Variants in LPP observed in about 807,000 individuals in gnomAD.
LPP encodes the protein LIM domain containing preferred translocation partner in lipoma.
A neutral mutation model predicts 60.4 loss-of-function variants in LPP; 38 were observed. The observed-to-expected ratio is 0.63, with a 90% CI of 0.49 to 0.83. LPP has a LOEUF of 0.83. Ranked by LOEUF, LPP falls within the 40% of genes least tolerant of loss-of-function variation. LPP has a pLI of 0.00. For synonymous variants in LPP, 328 were observed against 290.8 expected (o/e 1.13, Z -1.30); for missense variants, 902 against 783.6 (o/e 1.15, Z -1.80).
chr3:188,253,352 A>C (rs545690335), intron 2 of LPP, among the ~76,000 whole-genome samples: 1 of 152,262 alleles, frequency 6.6e-6, no homozygotes, highest in African/African-American at 2.4e-5. Context: ...TCTGCATGTT[A>C]TCTTCCAGTA....
chr3:188,524,064 A>C (rs1462071720), intron 5 of LPP, among the ~76,000 whole-genome samples: 1 of 152,166 alleles, frequency 6.6e-6, no homozygotes, highest in Admixed American at 6.5e-5. Context: ...GTCCATGCTC[A>C]CTGCCACATG....
chr3:188,599,555 C>T (rs1182778968), intron 6 of LPP, among the ~76,000 whole-genome samples: 2 of 152,050 alleles, frequency 1.3e-5, no homozygotes, highest in East Asian at 3.9e-4. Context: ...AATGGAAAAG[C>T]TTCTGGGACA....
At chr3:188,636,384 C>T (rs1055228783) in intron 7 of LPP, among the ~76,000 whole-genome samples, 1 of 152,192 alleles carries the variant, frequency 6.6e-6, no homozygotes, top group Admixed American at 6.5e-5. Flanking sequence ...GATTATATCC[C>T]GCACCTTGCT....
intron 2 of LPP, among the ~76,000 whole-genome samples, chr3:188,268,293 AAAAC>A (rs947949273): frequency 6.6e-6 from 1 of 152,236 alleles, no homozygotes; most frequent in African/African-American, 2.4e-5. Flanking sequence ...AAAAACAAAA[AAAAC>A]AAAAACACAA....
chr3:188,635,271 G>C (rs755472798), intron 7 of LPP, among the ~76,000 whole-genome samples: 7 of 152,168 alleles, frequency 4.6e-5, no homozygotes, highest in Non-Finnish European at 8.8e-5. Flanking sequence ...TTTTGTGATA[G>C]TGCTTCTTGG....
At chr3:188,274,787 C>A (rs1202800524) in intron 2 of LPP, among the ~76,000 whole-genome samples, 2 of 152,166 alleles carry the variant, frequency 1.3e-5, no homozygotes, top group African/African-American at 4.8e-5. Flanking sequence ...TCCTGATAGA[C>A]CTTATGGTTA....
Position 188,610,429 on chromosome 3 carries a change from G to T in LPP, c.1113+585G>T, listed in dbSNP as rs1293689928. On this transcript the variant is annotated intron_variant, in intron 7 of 11. Transcript: ENST00000617246. The surrounding 1 kb of genome is among the most constrained non-coding windows in gnomAD (Gnocchi z 4.4). ...CCAGGAAATGGGTGAGGCCAAGCAG[G>T]TCTAAGATAATGCAAATGCCTTGGA... 6.6e-6 allele frequency among the ~76,000 whole-genome samples: 1 copy of T among 152,226 alleles called. No homozygotes were observed. Among genetic ancestry groups the T allele is most frequent in the African/African-American group, 2.4e-5 (1 of 41,456 alleles).
At chr3:188,452,445 C>T (rs1242911212) in intron 4 of LPP, among the ~76,000 whole-genome samples, 1 of 152,006 alleles carries the variant, frequency 6.6e-6, no homozygotes, top group Admixed American at 6.6e-5. Flanking sequence ...TTTGCTCATT[C>T]GATATTGTCA....
chr3:188,375,645 T>TA (rs796979503), intron 3 of LPP, among the ~76,000 whole-genome samples: 1 of 152,300 alleles, frequency 6.6e-6, no homozygotes, highest in South Asian at 2.1e-4. Flanking sequence ...GTTTATCTTT[T>TA]AAAAAAACCA....
intron 4 of LPP, among the ~76,000 whole-genome samples, chr3:188,435,139 T>C (rs1791993461): frequency 6.6e-6 from 1 of 152,188 alleles, no homozygotes; most frequent in African/African-American, 2.4e-5. Context: ...GAAGAATGTC[T>C]GAATGCTACA....
At chr3:188,351,380 C>A (rs1230035431) in intron 3 of LPP, among the ~76,000 whole-genome samples, 1 of 152,154 alleles carries the variant, frequency 6.6e-6, no homozygotes, top group Non-Finnish European at 1.5e-5. Context: ...GGCAGTTCTG[C>A]AAATCGTGCC....
intron 6 of LPP, among the ~76,000 whole-genome samples, chr3:188,554,661 T>C (rs1446465692): frequency 6.6e-6 from 1 of 152,200 alleles, no homozygotes. Flanking sequence ...TGGTGACATA[T>C]AATATTTTAC....
chr3:188,222,687 T>C (rs1397114345), intron 1 of LPP, among the ~76,000 whole-genome samples: 3 of 152,184 alleles, frequency 2.0e-5, no homozygotes, highest in Middle Eastern at 3.2e-3. Context: ...CAGGGCCAGA[T>C]AGAACTGTGA....
chr3:188,513,005 T>C (rs2150050993), intron 5 of LPP, among the ~76,000 whole-genome samples: 1 of 152,336 alleles, frequency 6.6e-6, no homozygotes, highest in South Asian at 2.1e-4. Context: ...TCACCACATA[T>C]GAAAGTTTTC....
At chr3:188,582,556 A>G (rs1236778497) in intron 6 of LPP, among the ~76,000 whole-genome samples, 1 of 151,848 alleles carries the variant, frequency 6.6e-6, no homozygotes, top group Non-Finnish European at 1.5e-5. Context: ...CACTTCCCAC[A>G]TTTGGTTAAG....
At chr3:188,707,130 T>C (rs1865635034) in intron 7 of LPP, among the ~76,000 whole-genome samples, 1 of 152,216 alleles carries the variant, frequency 6.6e-6, no homozygotes, top group Non-Finnish European at 1.5e-5. Flanking sequence ...ATTGCTATAA[T>C]TCTGGCTCGC....
At chr3:188,657,337 T>TA (rs1233888403) in intron 7 of LPP, among the ~76,000 whole-genome samples, 4 of 146,150 alleles carry the variant, frequency 2.7e-5, no homozygotes, top group Admixed American at 6.9e-5. Flanking sequence ...TTGATATGGA[T>TA]AAAAAATGTA....
At chr3:188,216,284 T>C (rs1014198253) in intron 1 of LPP, among the ~76,000 whole-genome samples, 2 of 149,802 alleles carry the variant, frequency 1.3e-5, no homozygotes, top group Non-Finnish European at 3.0e-5. Context: ...TTTTTTTTTT[T>C]TTTTTTTGAT....
At chr3:188,597,703 T>A (rs542035178) in intron 6 of LPP, among the ~76,000 whole-genome samples, 1 of 152,276 alleles carries the variant, frequency 6.6e-6, no homozygotes, top group East Asian at 1.9e-4. Context: ...TGTGGGCAAT[T>A]CTGTTACCGA....
Sources: allele counts gnomAD v4.1 joint callset (sites outside exome capture counted in the v4.1 genomes callset), GRCh38; gene constraint gnomAD v4.1.1; non-coding constraint Gnocchi (gnomAD v3.1); transcripts MANE v1.5; gene names NCBI Gene and HGNC (gene_info 2026-07-23, HGNC 2026-07-21).